SLC8A2: variants seen among roughly 807,000 people sequenced by gnomAD.
SLC8A2 encodes sodium/calcium exchanger 2.
A neutral mutation model predicts 70.2 loss-of-function variants in SLC8A2; 14 were observed. The ratio of observed to expected loss-of-function variants is 0.20; its 90% CI spans 0.13 to 0.31. The LOEUF is 0.31. SLC8A2 is among the 10% of genes least tolerant of loss of function. The probability of loss-of-function intolerance (pLI) is 1.00; values close to 1 mark genes in which losing one functional copy is unlikely to be tolerated. For synonymous variants in SLC8A2, 575 were observed against 594.3 expected, an observed-to-expected ratio of 0.97 and a Z score of 0.47; for missense variants, 779 against 1,320.1, an observed-to-expected ratio of 0.59 and a Z score of 6.35.
intron 6 of SLC8A2, among the ~76,000 whole-genome samples, chr19:47,439,605 CCTTCCTTCCTTT>C (rs1967074115): frequency 8.5e-6 from 1 of 117,118 alleles, no homozygotes; most frequent in Non-Finnish European, 1.8e-5. Context: ...TCTTCTCCCT[CCTTCCTTCCTTT>C]CTTCCTTCCT....
Position 47,432,340 on chromosome 19 carries a change from C to T in SLC8A2, c.2216G>A (p.Cys739Tyr). The T allele has an allele frequency of 6.2e-7, 1 of 1,614,152 alleles. No homozygotes were observed. Among genetic ancestry groups the T allele is most frequent in the Non-Finnish European group, 8.5e-7 (1 of 1,180,030 alleles). Residue 739 changes from cysteine (C) to tyrosine (Y), a missense_variant, in exon 9 of 10, where the codon TGT becomes TAT. Physicochemically the swap from Cys to Tyr is radical, Grantham distance 194. Around this residue, in one of 6 missense-constraint regions of SLC8A2, gnomAD observed 108 missense variants for 269.6 expected, o/e 0.40. Coordinates refer to ENST00000236877, the MANE Select transcript of SLC8A2 (RefSeq NM_015063.3). The surrounding 1 kb of genome is among the most constrained non-coding windows in gnomAD (Gnocchi z 6.2). The stretch of plus-strand genomic sequence containing the variant: ...GTGGCAGTACTCGGTGGGGGGCACA[C>T]AGGCGAAGAGCACCTTCCAGAACAC... ...LTVFWKVLFA[C>Y]VPPTEYCHGW...
In SLC8A2 at chr19:47,428,156, T is replaced by C. The variant is rs1007571283; in HGVS notation, c.*1933A>G. On this transcript the variant is annotated 3_prime_UTR_variant, in exon 10 of 10. Transcript: ENST00000236877. ...AGTTTGTGGCTCATGCATGGGGGCG[T>C]GGCTAGTGGAAGCCCCTGACTGAAG... 2 of 152,250 alleles carry C rather than the reference T, an allele frequency of 1.3e-5. No individual in the cohort carries two copies. The highest frequency in any genetic ancestry group is 2.9e-5 in the Non-Finnish European group (2 of 68,060). 9.4% of individuals were successfully genotyped at this position (152,250 alleles called of 1,614,324 possible). A position where few individuals can be genotyped will look rare whatever the true frequency, so the allele number is the denominator to read the frequency against.
intron 3 of SLC8A2, among the ~76,000 whole-genome samples, chr19:47,454,456 CATTTT>C (rs1967279416): frequency 6.6e-6 from 1 of 152,124 alleles, no homozygotes; most frequent in African/African-American, 2.4e-5. Context: ...TGAACAGCTG[CATTTT>C]GTTTTGTTTT....
chr19:47,442,841 G>T (rs1263662879), intron 4 of SLC8A2, among the ~76,000 whole-genome samples: 1 of 152,122 alleles, frequency 6.6e-6, no homozygotes, highest in East Asian at 1.9e-4. Context: ...ACACTACCAT[G>T]CTCAGTTAAT....
intron 2 of SLC8A2, 40 bp from the exon 3 acceptor site, chr19:47,457,634 C>A (rs1184075117): frequency 9.8e-6 from 13 of 1,324,938 alleles, no homozygotes; most frequent in Non-Finnish European, 1.3e-5. Context: ...GGGCGGGCCG[C>A]CTTCTCCCTC....
intron 6 of SLC8A2, among the ~76,000 whole-genome samples, chr19:47,439,894 C>T (rs939365105): frequency 1.3e-5 from 2 of 152,166 alleles, no homozygotes; most frequent in Non-Finnish European, 2.9e-5. Flanking sequence ...GAACTCCTGA[C>T]CTTAAGTGAT....
At chr19:47,440,752 C>T (rs367752971) in intron 6 of SLC8A2, among the ~76,000 whole-genome samples, 14 of 152,048 alleles carry the variant, frequency 9.2e-5, no homozygotes, top group East Asian at 1.9e-4. Flanking sequence ...CCATCAGGCC[C>T]GGCTAATTTT....
At chr19:47,444,184 G>A (rs1448900425) in intron 4 of SLC8A2, among the ~76,000 whole-genome samples, 2 of 152,096 alleles carry the variant, frequency 1.3e-5, no homozygotes, top group African/African-American at 4.8e-5. Context: ...GTGAGCCACA[G>A]CACCTGGCCC....
In SLC8A2 at chr19:47,432,223, C is replaced by T; in HGVS notation, c.2333G>A (p.Gly778Asp). The T allele has an allele frequency of 6.2e-7, 1 of 1,613,920 alleles. No homozygotes were observed. Among genetic ancestry groups the T allele is most frequent in the Non-Finnish European group, 8.5e-7 (1 of 1,179,910 alleles). ...AACAGCATTGACAGAGTCCTTGAGG[C>T]CAACGGTGCAGCCGAAGTGGGAGGC... ...DLASHFGCTV[G>D]LKDSVNAVVF... Residue 778 changes from glycine to aspartate, a missense_variant, in exon 9 of 10, where the codon GGC becomes GAC. Coordinates refer to ENST00000236877, the MANE Select transcript of SLC8A2 (RefSeq NM_015063.3). This position sits in a 1 kb window ranked among gnomAD's most constrained non-coding sequence, Gnocchi z 6.2.
intron 3 of SLC8A2, 80 bp downstream of exon 3, chr19:47,456,850 G>A (rs1599855853): frequency 4.3e-6 from 6 of 1,382,028 alleles, no homozygotes; most frequent in Admixed American, 5.1e-5. Context: ...GTTGGGAGGC[G>A]AAGAGCCTGG....
intron 3 of SLC8A2, among the ~76,000 whole-genome samples, chr19:47,453,669 G>A (rs1967270905): frequency 6.6e-6 from 1 of 152,176 alleles, no homozygotes; most frequent in African/African-American, 2.4e-5. Context: ...GGGAGGCTAA[G>A]GCAGGTGGAT....
chr19:47,467,598 C>T (rs993665179), intron 1 of SLC8A2, among the ~76,000 whole-genome samples: 1 of 152,116 alleles, frequency 6.6e-6, no homozygotes, highest in African/African-American at 2.4e-5. Flanking sequence ...GGCTTTCTGT[C>T]CCATTTGTGG....
intron 2 of SLC8A2, among the ~76,000 whole-genome samples, chr19:47,459,898 A>C (rs1232106260): frequency 3.3e-5 from 5 of 152,078 alleles, no homozygotes; most frequent in African/African-American, 1.2e-4. Context: ...CCCAGGTGCC[A>C]GGAACCCGGA....
At position 47,448,752 on chromosome 19, in the gene SLC8A2, C is replaced by T. The variant is rs1185676037; in HGVS notation, c.1341-521G>A. On this transcript the variant is annotated intron_variant, in intron 3 of 9. Transcript: ENST00000236877. This position sits in a 1 kb window ranked among gnomAD's most constrained non-coding sequence, Gnocchi z 4.8. ...AACGAGCTCCAGGGGATGTCCTGGT[C>T]ACATTTTAAGTGGCAGGGATATAGG... Among the ~76,000 whole-genome samples, 1 of 152,168 alleles carries T rather than the reference C, an allele frequency of 6.6e-6. No homozygotes were observed. Among genetic ancestry groups the T allele is most frequent in the African/African-American group, 2.4e-5 (1 of 41,432 alleles).
chr19:47,438,070 T>C (rs190819857), intron 6 of SLC8A2, 97 bp from the exon 7 acceptor site: 2 of 1,480,612 alleles, frequency 1.4e-6, no homozygotes, highest in South Asian at 2.4e-5. Flanking sequence ...AGAAAGCCTA[T>C]CTGTTCTCCT....
rs199554636 is a variant in SLC8A2 at position 47,456,944 on chromosome 19, G to A, written c.1326C>T (p.Ser442=). ...RTEDGSAKAG[S]DYEYSEGTLV... is the part of the protein sequence containing the mutation. ...GGGGGACCCACCTGTACTCGTAGTC[G>A]GAGCCCGCCTTGGCAGAGCCGTCCT... The change falls in exon 3 of 10, where the codon TCC becomes TCT. Residue 442 remains serine, a synonymous_variant. Transcript: ENST00000236877. 3.4e-5 allele frequency: 54 copies of A among 1,607,072 alleles called. No individual in the cohort carries two copies. In the Admixed American group the frequency reaches 4.5e-4, roughly 14 times the overall value.
chr19:47,458,653 CCT>C (rs1491483063), intron 2 of SLC8A2, among the ~76,000 whole-genome samples: 2 of 136,870 alleles, frequency 1.5e-5, no homozygotes, highest in Non-Finnish European at 3.1e-5. Context: ...TCTGTCCCTC[CCT>C]TTTTGTCTCT....
In SLC8A2 at chr19:47,457,430, G is replaced by T; in HGVS notation, c.840C>A (p.Ile280=). The T allele has an allele frequency of 6.2e-7, 1 of 1,600,768 alleles. No individual in the cohort carries two copies. The highest frequency in any genetic ancestry group is 1.7e-5 in the Admixed American group (1 of 57,830). ...IGAEGDPPKS[I]ELDGTFVGAE... ...CGCCCACGAACGTGCCGTCCAGCTC[G>T]ATGCTCTTCGGGGGGTCGCCCTCGG... The change falls in exon 3 of 10, where the codon ATC becomes ATA. Residue 280 remains isoleucine (I), a synonymous_variant. Transcript: ENST00000236877.
intron 2 of SLC8A2, among the ~76,000 whole-genome samples, chr19:47,463,711 T>A (rs1051395302): frequency 1.3e-5 from 2 of 151,720 alleles, no homozygotes; most frequent in African/African-American, 4.8e-5. Flanking sequence ...AATAGAAATC[T>A]TTTCTTTATA....
Sources: allele counts gnomAD v4.1 joint callset (sites outside exome capture counted in the v4.1 genomes callset), GRCh38; gene constraint gnomAD v4.1.1; regional missense constraint gnomAD v4.1.1; non-coding constraint Gnocchi (gnomAD v3.1); transcripts MANE v1.5; gene names NCBI Gene and HGNC (gene_info 2026-07-23, HGNC 2026-07-21).